SLCO6A1: variants seen among roughly 807,000 people sequenced by gnomAD.
SLCO6A1 encodes the protein cancer/testis antigen 48.
Under a neutral mutation model 72.7 loss-of-function variants are expected in SLCO6A1, and 65 were observed. That is an observed-to-expected ratio of 0.89 (90% CI 0.73 to 1.10). The LOEUF is 1.10. SLCO6A1 is among the 50% of genes least tolerant of loss of function. SLCO6A1 has a pLI of 0.00. For missense variants in SLCO6A1, 874 were observed against 872.6 expected (o/e 1.00, Z -0.02); for synonymous variants, 314 against 298.2 (o/e 1.05, Z -0.55).
intron 7 of SLCO6A1, among the ~76,000 whole-genome samples, chr5:102,422,800 A>AGAAGG: frequency 6.6e-6 from 1 of 152,290 alleles, no homozygotes; most frequent in Admixed American, 6.5e-5. Context: ...CCATGAGAAG[A>AGAAGG]GCAACCCCAA....
At chr5:102,460,712 T>C (rs1750980873) in intron 4 of SLCO6A1, among the ~76,000 whole-genome samples, 1 of 151,836 alleles carries the variant, frequency 6.6e-6, no homozygotes, top group African/African-American at 2.4e-5. Context: ...TTTTCATGGG[T>C]GTTTCTGTTG....
chr5:102,420,031 A>C lies in SLCO6A1; in HGVS notation c.1277-10T>G, dbSNP rs1337592283. ...GGAATTAAAACAAGTCCTAAAAAAA[A>C]GGAGGAGAAAAACACAGTTAAAAAT... On this transcript the variant is annotated splice_polypyrimidine_tract_variant and intron_variant, in intron 7 of 13. Coordinates refer to ENST00000506729, the MANE Select transcript of SLCO6A1 (RefSeq NM_173488.5). 4 of 1,558,820 alleles carry C rather than the reference A, an allele frequency of 2.6e-6. No individual in the cohort carries two copies. Among genetic ancestry groups the C allele is most frequent in the South Asian group, 2.5e-5 (2 of 81,542 alleles).
At chr5:102,390,236 C>CT (rs1746679750) in intron 11 of SLCO6A1, among the ~76,000 whole-genome samples, 1 of 152,152 alleles carries the variant, frequency 6.6e-6, no homozygotes, top group African/African-American at 2.4e-5. Flanking sequence ...TGTGTACTGA[C>CT]TGACTGTTTC....
chr5:102,450,637 C>G (rs1034462202), intron 6 of SLCO6A1, among the ~76,000 whole-genome samples: 1 of 152,332 alleles, frequency 6.6e-6, no homozygotes, highest in East Asian at 1.9e-4. Context: ...CCTTTTCTTC[C>G]CTCCCTGGCT....
chr5:102,457,369 T>C (rs1750782229), intron 6 of SLCO6A1, among the ~76,000 whole-genome samples: 1 of 150,866 alleles, frequency 6.6e-6, no homozygotes, highest in Admixed American at 6.6e-5. Context: ...AAAGGGCTAG[T>C]ATCCAGAATC....
At chr5:102,437,221 C>A (rs2112674911) in intron 7 of SLCO6A1, among the ~76,000 whole-genome samples, 1 of 152,306 alleles carries the variant, frequency 6.6e-6, no homozygotes, top group South Asian at 2.1e-4. Flanking sequence ...GCCTCACTTA[C>A]TGATCAACAT....
intron 12 of SLCO6A1, among the ~76,000 whole-genome samples, chr5:102,378,947 A>G (rs1745962045): frequency 6.6e-6 from 1 of 151,862 alleles, no homozygotes. Flanking sequence ...CGCCTAGCTA[A>G]TTTTTGTGTT....
rs755588313 is a variant in SLCO6A1, at chr5:102,391,090, AGCACTAAGAAT to A, written c.1815-56_1815-46del. 6 of 1,522,782 alleles carry A rather than the reference AGCACTAAGAAT, an allele frequency of 3.9e-6. No homozygotes were observed. In the East Asian group the frequency reaches 1.4e-4, roughly 34 times the overall value. 94.3% of individuals were successfully genotyped at this position (1,522,782 alleles called of 1,614,324 possible). On this transcript the variant is annotated intron_variant, in intron 10 of 13. Transcript: ENST00000506729. Reference sequence around the variant, plus strand: ...ATATAATCAGCACATCATTGTTATTAGCACTAAGAATGTATGCTAGATTCAAGGCTAATCAT... The same window carrying A: ...ATATAATCAGCACATCATTGTTATTAGTATGCTAGATTCAAGGCTAATCAT...
intron 7 of SLCO6A1, among the ~76,000 whole-genome samples, chr5:102,438,228 G>T (rs905338479): frequency 6.6e-6 from 1 of 151,882 alleles, no homozygotes; most frequent in Non-Finnish European, 1.5e-5. Context: ...CAAATCTAAA[G>T]AACATAATTT....
chr5:102,429,958 G>A (rs1250789030), intron 7 of SLCO6A1, among the ~76,000 whole-genome samples: 1 of 152,056 alleles, frequency 6.6e-6, no homozygotes, highest in Non-Finnish European at 1.5e-5. Flanking sequence ...TTTCCCATTT[G>A]TTTGTGTCAT....
chr5:102,380,297 C>T (rs1010986710), intron 12 of SLCO6A1, among the ~76,000 whole-genome samples: 1 of 152,002 alleles, frequency 6.6e-6, no homozygotes, highest in Non-Finnish European at 1.5e-5. Flanking sequence ...GGCTTATCTA[C>T]TCTACTGCAA....
chr5:102,414,391 G>A (rs1368195426), intron 8 of SLCO6A1, among the ~76,000 whole-genome samples: 1 of 151,990 alleles, frequency 6.6e-6, no homozygotes, highest in Non-Finnish European at 1.5e-5. Flanking sequence ...AGAGCAACCA[G>A]GAAAGAGAAA....
chr5:102,448,541 G>A (rs1194247075), intron 6 of SLCO6A1, among the ~76,000 whole-genome samples: 2 of 152,178 alleles, frequency 1.3e-5, no homozygotes, highest in African/African-American at 4.8e-5. Flanking sequence ...TGTTTTATGA[G>A]TCTGGGCATT....
In SLCO6A1 at chr5:102,498,835, C is replaced by G. The variant is rs757061528; in HGVS notation, c.10G>C (p.Gly4Arg). The change falls in exon 1 of 14, where the codon GGC becomes CGC. Residue 4 changes from glycine (G) to arginine (R), a missense_variant. Physicochemically the swap from Gly to Arg is moderately radical, Grantham distance 125. Coordinates refer to ENST00000506729, the MANE Select transcript of SLCO6A1 (RefSeq NM_173488.5). MFV[G>R]VARHSGSQDE... ...TGGCTCCCAGAGTGCCGGGCGACGCCTACGAACATGGCTCACCCTGGGCGG... is the reference window on the plus strand; with the variant it reads ...TGGCTCCCAGAGTGCCGGGCGACGCGTACGAACATGGCTCACCCTGGGCGG... The G allele has an allele frequency of 6.2e-6, 10 of 1,609,010 alleles. No homozygotes were observed. In the East Asian group the frequency reaches 2.0e-4, roughly 32 times the overall value.
chr5:102,459,033 T>G (rs1447580078), intron 5 of SLCO6A1, among the ~76,000 whole-genome samples: 2 of 152,172 alleles, frequency 1.3e-5, no homozygotes, highest in African/African-American at 4.8e-5. Flanking sequence ...TTAAATATGC[T>G]TGTTTTCAAG....
intron 8 of SLCO6A1, among the ~76,000 whole-genome samples, chr5:102,418,668 C>G (rs1402637769): frequency 6.6e-6 from 1 of 152,218 alleles, no homozygotes; most frequent in East Asian, 1.9e-4. Context: ...CAAATTAACT[C>G]CTGGCCAGGC....
In SLCO6A1 at chr5:102,496,061, T is replaced by C. The variant is rs1391275211; in HGVS notation, c.358+2426A>G. On this transcript the variant is annotated intron_variant, in intron 1 of 13. Transcript: ENST00000506729. ...ACATCTGGATGGGACCACCAGTTCA[T>C]AATTGGATGATAGTATTGTACTGAT... is the stretch of plus-strand genomic sequence containing the variant. 2.0e-5 allele frequency among the ~76,000 whole-genome samples: 3 copies of C among 152,188 alleles called. No individual in the cohort carries two copies. The East Asian group carries it at 5.8e-4, about 29-fold the overall frequency.
chr5:102,470,609 C>T (rs943521607), intron 4 of SLCO6A1, among the ~76,000 whole-genome samples: 1 of 151,962 alleles, frequency 6.6e-6, no homozygotes, highest in Non-Finnish European at 1.5e-5. Context: ...AAAACCAGCT[C>T]CTGGATTCAT....
Position 102,373,453 on chromosome 5 carries a change from C to A in SLCO6A1, c.2059G>T (p.Ala687Ser), listed in dbSNP as rs1345105882. 1.3e-6 allele frequency: 2 copies of A among 1,568,084 alleles called. No individual in the cohort carries two copies. Among genetic ancestry groups the A allele is most frequent in the East Asian group, 2.3e-5 (1 of 42,794 alleles). ...KLCTIIFTTIAFFIYKRRLNE... is the reference protein window; with the variant it reads ...KLCTIIFTTISFFIYKRRLNE... ...AGACGACGTTTGTATATGAAAAATGCAATAGTAGTGAAGATGATAGTGCAT... is the reference window on the plus strand; with the variant it reads ...AGACGACGTTTGTATATGAAAAATGAAATAGTAGTGAAGATGATAGTGCAT... Residue 687 changes from alanine (A) to serine (S), a missense_variant, in exon 13 of 14, where the codon GCA (alanine) becomes TCA (serine). Coordinates refer to ENST00000506729, the MANE Select transcript of SLCO6A1 (RefSeq NM_173488.5).
Sources: gnomAD v4.1 joint callset for allele counts (sites outside exome capture counted in the v4.1 genomes callset) on GRCh38, gnomAD v4.1.1 for gene constraint, MANE v1.5 for transcripts, NCBI Gene and HGNC (gene_info 2026-07-23, HGNC 2026-07-21) for gene names.